The following PTBP3 variants were observed in gnomAD, a reference collection of about 807,000 sequenced individuals.
PTBP3 encodes the protein polypyrimidine tract binding protein 3.
A neutral mutation model predicts 58.7 loss-of-function variants in PTBP3; 20 were observed. That is an observed-to-expected ratio of 0.34 (90% CI 0.24 to 0.50). The LOEUF (loss-of-function observed/expected upper bound fraction) is 0.50, where lower values mean the gene tolerates loss of function less well. Among genes scored for constraint, PTBP3 ranks in the 20% least tolerant of loss-of-function variants. The pLI, the probability that PTBP3 is intolerant of heterozygous loss-of-function variation, is 0.98. For missense variants in PTBP3, 509 were observed against 637.2 expected, an observed-to-expected ratio of 0.80 and a Z score of 2.17; for synonymous variants, 185 against 219.8, an observed-to-expected ratio of 0.84 and a Z score of 1.40.
chr9:112,249,500 CTG>C (rs1324201418), intron 7 of PTBP3, among the ~76,000 whole-genome samples: 1 of 152,022 alleles, frequency 6.6e-6, no homozygotes, highest in Non-Finnish European at 1.5e-5. Flanking sequence ...AATAGTGAAA[CTG>C]TGTCAAATAC....
intron 1 of PTBP3, among the ~76,000 whole-genome samples, chr9:112,313,745 A>G (rs1829583172): frequency 6.6e-6 from 1 of 152,218 alleles, no homozygotes; most frequent in Non-Finnish European, 1.5e-5. Context: ...TTTGGAAGCT[A>G]ATCCTTTTAA....
chr9:112,372,900 T>C, the PTBP3 span, among the ~76,000 whole-genome samples: 1 of 134,090 alleles, frequency 7.5e-6, no homozygotes, highest in African/African-American at 2.7e-5. Context: ...ATAGGCTTTC[T>C]TTTTTTTTTT....
intron 7 of PTBP3, among the ~76,000 whole-genome samples, chr9:112,239,075 C>T (rs966899559): frequency 2.0e-5 from 3 of 152,064 alleles, no homozygotes; most frequent in African/African-American, 7.2e-5. Flanking sequence ...AATAACATCA[C>T]AGGTAAGGAG....
At chr9:112,286,650 T>C in intron 2 of PTBP3, among the ~76,000 whole-genome samples, 1 of 152,220 alleles carries the variant, frequency 6.6e-6, no homozygotes, top group Non-Finnish European at 1.5e-5. Flanking sequence ...CAAAAATGTA[T>C]TATCTTACTT....
At chr9:112,231,949 GA>G (rs1342773466) in intron 9 of PTBP3, 149 bp downstream of exon 9, 39 of 429,834 alleles carry the variant, frequency 9.1e-5, no homozygotes, top group East Asian at 2.7e-4. Flanking sequence ...GAAGAGAAGA[GA>G]AGAGAAGAGA....
intron 1 of PTBP3, among the ~76,000 whole-genome samples, chr9:112,304,060 G>A (rs534155962): frequency 2.1e-4 from 32 of 152,002 alleles, no homozygotes; most frequent in Middle Eastern, 3.4e-3. Context: ...TCAGCTACTC[G>A]GGAGGCTGAG....
chr9:112,360,126 G>A, the PTBP3 span, among the ~76,000 whole-genome samples: 27 of 152,170 alleles, frequency 1.8e-4, no homozygotes, highest in Non-Finnish European at 3.1e-4. Flanking sequence ...GGCACAGCTC[G>A]GAGTTCTACG....
intron 1 of PTBP3, chr9:112,332,748 C>A (rs781641456): frequency 1.2e-6 from 2 of 1,608,358 alleles, no homozygotes; most frequent in Non-Finnish European, 8.5e-7. Context: ...ATTTGAAATG[C>A]CCCCGAAAAT....
intron 2 of PTBP3, chr9:112,281,318 T>C (rs898834093): frequency 6.1e-6 from 1 of 163,218 alleles, no homozygotes; most frequent in Admixed American, 6.1e-5. Context: ...CCTTGAGAAT[T>C]TTCTGTAAGC....
At chr9:112,288,961 T>A (rs892778783) in intron 2 of PTBP3, among the ~76,000 whole-genome samples, 1 of 152,208 alleles carries the variant, frequency 6.6e-6, no homozygotes, top group Non-Finnish European at 1.5e-5. Context: ...TAGCCTTCAA[T>A]ACCAGTGGCA....
At position 112,221,743 on chromosome 9, in the gene PTBP3, T is replaced by C. The variant is rs1834815155; in HGVS notation, c.*2108A>G. 1.0e-6 allele frequency: 1 copy of C among 985,126 alleles called. No individual in the cohort carries two copies. Among genetic ancestry groups the C allele is most frequent in the African/African-American group, 1.7e-5 (1 of 57,252 alleles). 61.0% of individuals were successfully genotyped at this position (985,126 alleles called of 1,614,324 possible). On this transcript the variant is annotated 3_prime_UTR_variant, in exon 14 of 14. Transcript: ENST00000374257. ...AAGTCTTAACTTAGTATCCCTCCTT[T>C]CTATTCTACCAACTAAGTGTTGCTC...
the PTBP3 span, among the ~76,000 whole-genome samples, chr9:112,346,124 G>A: frequency 8.6e-5 from 13 of 151,148 alleles, no homozygotes; most frequent in African/African-American, 1.5e-4. Flanking sequence ...GATTACAGGC[G>A]TGAGGAGATC....
chr9:112,239,522 G>A (rs891078486), intron 7 of PTBP3, among the ~76,000 whole-genome samples: 1 of 152,042 alleles, frequency 6.6e-6, no homozygotes, highest in South Asian at 2.1e-4. Context: ...TTCAGGCCAC[G>A]AGTTCAAGAG....
chr9:112,277,389 C>G (rs1348187339), intron 2 of PTBP3, among the ~76,000 whole-genome samples: 1 of 152,120 alleles, frequency 6.6e-6, no homozygotes, highest in Non-Finnish European at 1.5e-5. Flanking sequence ...TATCAATCAC[C>G]AAGAAATACT....
chr9:112,280,701 A>G (rs1040035304), intron 2 of PTBP3, among the ~76,000 whole-genome samples: 2 of 151,950 alleles, frequency 1.3e-5, no homozygotes, highest in African/African-American at 4.8e-5. Context: ...TAGAAACCCT[A>G]CTTGGTCATG....
At chr9:112,321,211 C>T (rs1829932618) in intron 1 of PTBP3, among the ~76,000 whole-genome samples, 1 of 152,018 alleles carries the variant, frequency 6.6e-6, no homozygotes, top group South Asian at 2.1e-4. Flanking sequence ...TCCTAGTCAG[C>T]TTGGAAGTTG....
chr9:112,267,230 G>GTC (rs1836838546), intron 4 of PTBP3, among the ~76,000 whole-genome samples: 1 of 151,152 alleles, frequency 6.6e-6, no homozygotes. Flanking sequence ...CAGTGGCACG[G>GTC]TCTCGGCTCA....
At chr9:112,227,332 C>A in intron 12 of PTBP3, 79 bp downstream of exon 12, 1 of 1,446,728 alleles carries the variant, frequency 6.9e-7, no homozygotes, top group South Asian at 1.2e-5. Flanking sequence ...AGAACAATTT[C>A]AGAAGTTTTA....
At chr9:112,237,098 T>C (rs570376345) in intron 7 of PTBP3, among the ~76,000 whole-genome samples, 48 of 152,274 alleles carry the variant, frequency 3.2e-4, no homozygotes, top group African/African-American at 9.9e-4. Context: ...ATAACTATCA[T>C]AGAACATTAA....
Sources: gnomAD v4.1 joint callset for allele counts (sites outside exome capture counted in the v4.1 genomes callset) on GRCh38, gnomAD v4.1.1 for gene constraint, MANE v1.5 for transcripts, NCBI Gene and HGNC (gene_info 2026-07-23, HGNC 2026-07-21) for gene names.